The following NBPF20 variants were observed in gnomAD, a reference collection of about 807,000 sequenced individuals.
NBPF20 encodes NBPF member 20, also known as NBPF family member NBPF20.
NBPF20 carries 90 observed loss-of-function variants against 68.1 expected under a neutral mutation model. The ratio of observed to expected loss-of-function variants is 1.32; its 90% CI spans 1.11 to 1.58. The LOEUF (loss-of-function observed/expected upper bound fraction) is 1.58, where lower values mean the gene tolerates loss of function less well. Among genes scored for constraint, NBPF20 ranks in the 40% most tolerant of loss-of-function variants. The probability of loss-of-function intolerance (pLI) is 0.00; values close to 1 mark genes in which losing one functional copy is unlikely to be tolerated. For missense variants in NBPF20, 816 were observed against 601.2 expected (o/e 1.36, Z -3.74); for synonymous variants, 290 against 228.1 (o/e 1.27, Z -2.45).
intron 112 of NBPF20, among the ~76,000 whole-genome samples, chr1:145,311,790 G>A (rs1661487873): frequency 1.2e-5 from 1 of 81,380 alleles, no homozygotes; most frequent in Non-Finnish European, 2.2e-5. Context: ...GCCCCCAAAT[G>A]GTTGCTAGGA....
upstream of NBPF20, among the ~76,000 whole-genome samples, chr1:145,409,880 A>G (rs587639674): frequency 1.8e-4 from 27 of 151,614 alleles, no homozygotes; most frequent in South Asian, 5.4e-3. Flanking sequence ...TGGTCTGGTG[A>G]TAATTTCCAG....
upstream of NBPF20, among the ~76,000 whole-genome samples, chr1:145,410,052 T>G (rs1405330408): frequency 6.6e-6 from 1 of 152,010 alleles, no homozygotes; most frequent in Non-Finnish European, 1.5e-5. Flanking sequence ...TTCCTAGGAA[T>G]GGAATGACTG....
chr1:145,420,258 C>T, the NBPF20 span, among the ~76,000 whole-genome samples: 1 of 151,866 alleles, frequency 6.6e-6, no homozygotes. Context: ...AGAACACTGT[C>T]CTCTCCTGAA....
the NBPF20 span, among the ~76,000 whole-genome samples, chr1:145,411,578 G>T: frequency 1.2e-5 from 1 of 86,144 alleles, no homozygotes; most frequent in African/African-American, 4.8e-5. Context: ...TTTTAGTAGA[G>T]ATGGGGTTTC....
intron 8 of NBPF20, among the ~76,000 whole-genome samples, chr1:145,394,702 T>C (rs2101540620): frequency 6.6e-6 from 1 of 151,932 alleles, no homozygotes; most frequent in East Asian, 1.9e-4. Flanking sequence ...TAGTTTGGTG[T>C]GAGTTTGCCA....
At chr1:145,405,802 CTG>C (rs1571379243), upstream of NBPF20, 2 of 309,964 alleles carry the variant, frequency 6.5e-6, no homozygotes, top group East Asian at 1.2e-4. Flanking sequence ...TATCTCTTGT[CTG>C]TACAACATCA....
intron 9 of NBPF20, among the ~76,000 whole-genome samples, chr1:145,393,461 A>T (rs1553662687): frequency 4.5e-5 from 2 of 44,586 alleles, no homozygotes; most frequent in African/African-American, 9.8e-5. Flanking sequence ...ACACACAAAC[A>T]CACACACACA....
chr1:145,395,536 T>TA (rs1662185981), intron 7 of NBPF20, among the ~76,000 whole-genome samples: 1 of 148,098 alleles, frequency 6.8e-6, no homozygotes. Flanking sequence ...TCTTGTGTAT[T>TA]AAGGGCCCCA....
At chr1:145,291,437 T>A (rs587751821) in exon 138 of NBPF20, 4 of 1,611,012 alleles carry the variant, frequency 2.5e-6, no homozygotes, top group Admixed American at 3.3e-5. Flanking sequence ...TGTCTGGGCT[T>A]CCAAATGGAA....
At chr1:145,377,652 G>T (rs1283549860) in intron 29 of NBPF20, among the ~76,000 whole-genome samples, 6 of 142,282 alleles carry the variant, frequency 4.2e-5, no homozygotes, top group Non-Finnish European at 7.7e-5. Context: ...GAGAGAGAGA[G>T]AGAGAGAGGA....
intron 112 of NBPF20, among the ~76,000 whole-genome samples, chr1:145,311,917 G>C (rs1321777908): frequency 9.0e-6 from 1 of 111,704 alleles, no homozygotes; most frequent in South Asian, 2.8e-4. Context: ...ACAAAATTCA[G>C]ACAAAATCAG....
At chr1:145,298,387 CAG>C (rs1179842371) in intron 129 of NBPF20, among the ~76,000 whole-genome samples, 7 of 143,714 alleles carry the variant, frequency 4.9e-5, no homozygotes, top group African/African-American at 8.7e-5. Context: ...CACACACACA[CAG>C]AGAGAGAGAA....
At chr1:145,292,208 G>T (rs192873227) in intron 137 of NBPF20, among the ~76,000 whole-genome samples, 173 bp downstream of exon 142, 5 of 149,572 alleles carry the variant, frequency 3.3e-5, no homozygotes, top group Admixed American at 3.3e-4. Context: ...AAAAGATAAG[G>T]GGAGGAAGAA....
the NBPF20 span, among the ~76,000 whole-genome samples, chr1:145,424,428 T>C: frequency 1.3e-5 from 2 of 152,024 alleles, no homozygotes; most frequent in Non-Finnish European, 2.9e-5. Flanking sequence ...CTAATAAAAT[T>C]TAAAAACAAA....
At chr1:145,408,767 T>C (rs1376510964), upstream of NBPF20, among the ~76,000 whole-genome samples, 1 of 152,062 alleles carries the variant, frequency 6.6e-6, no homozygotes, top group Non-Finnish European at 1.5e-5. Context: ...TTCTCACCAA[T>C]TGCTTTTAGG....
At chr1:145,400,861 C>T (rs1553665163) in intron 5 of NBPF20, among the ~76,000 whole-genome samples, 198 bp downstream of exon 10, 22 of 151,934 alleles carry the variant, frequency 1.4e-4, no homozygotes, top group East Asian at 1.2e-3. Flanking sequence ...TATCCCTGTA[C>T]GGTGCAGACG....
At chr1:145,341,014 C>T (rs1661606281) in intron 75 of NBPF20, 75 bp from the exon 81 acceptor site, 3 of 146,052 alleles carry the variant, frequency 2.1e-5, no homozygotes, top group East Asian at 2.3e-4. Flanking sequence ...GATTTCATGG[C>T]TAACGTAAGG....
At position 145,394,061 on chromosome 1, in the gene NBPF20, A is replaced by G. The variant is rs1662090067; in HGVS notation, c.992-126T>C. The G allele has an allele frequency of 8.4e-6, 6 of 717,912 alleles. No homozygotes were observed. The Admixed American group carries it at 1.2e-4, about 14-fold the overall frequency. 44.5% of individuals were successfully genotyped at this position (717,912 alleles called of 1,614,324 possible). On this transcript the variant is annotated intron_variant, in intron 8 of 137. Transcript: ENST00000369373. ...CAGTGTGAGAACAGGAGACTTTGAG[A>G]GAAATATTCCAGTAGGCCTGAGGTC...
intron 6 of NBPF20, among the ~76,000 whole-genome samples, chr1:145,400,125 G>C (rs1298940290): frequency 1.3e-5 from 2 of 152,162 alleles, no homozygotes; most frequent in Non-Finnish European, 1.5e-5. Context: ...AAGCTAGTAG[G>C]CCTGACAGAT....
Sources: allele counts gnomAD v4.1 joint callset (sites outside exome capture counted in the v4.1 genomes callset), GRCh38; gene constraint gnomAD v4.1.1; transcripts MANE v1.5; gene names NCBI Gene and HGNC (gene_info 2026-07-23, HGNC 2026-07-21).